Variants in UNC13C observed in about 807,000 individuals in gnomAD.
UNC13C encodes protein unc-13 homolog C.
In UNC13C, 174 loss-of-function variants were observed where a neutral mutation model predicts 245.4. That is an observed-to-expected ratio of 0.71 (90% CI 0.63 to 0.80). UNC13C has a LOEUF of 0.80. Ranked by LOEUF, UNC13C falls within the 30% of genes least tolerant of loss-of-function variation. UNC13C has a pLI of 0.00. For missense variants in UNC13C, 2,829 were observed against 2,602.9 expected, an observed-to-expected ratio of 1.09 and a Z score of -1.89; for synonymous variants, 992 against 895.1, an observed-to-expected ratio of 1.11 and a Z score of -1.93.
intron 2 of UNC13C, among the ~76,000 whole-genome samples, chr15:54,029,900 C>T (rs767604178): frequency 2.0e-5 from 3 of 152,144 alleles, no homozygotes; most frequent in Non-Finnish European, 4.4e-5. Flanking sequence ...AGATCTCTGC[C>T]TCAGTCTTCT....
At chr15:54,256,017 A>G (rs1208007714) in intron 8 of UNC13C, among the ~76,000 whole-genome samples, 1 of 152,150 alleles carries the variant, frequency 6.6e-6, no homozygotes, top group Non-Finnish European at 1.5e-5. Context: ...TATATAACAT[A>G]CTCAATGGAT....
chr15:54,167,366 A>G (rs111401929), intron 4 of UNC13C, among the ~76,000 whole-genome samples: 24,502 of 150,758 alleles, frequency 0.16, 2,462 homozygotes, highest in East Asian at 0.24. Flanking sequence ...GCCGGGCGTG[A>G]TGGTGGGCGC....
intron 25 of UNC13C, 48 bp from the exon 26 acceptor site, chr15:54,532,869 A>C: frequency 1.6e-6 from 2 of 1,286,926 alleles, no homozygotes; most frequent in Non-Finnish European, 2.2e-6. Context: ...GAACAGGCTC[A>C]GGCAAAATGT....
chr15:53,975,359 T>C (rs1893663407), upstream of UNC13C, among the ~76,000 whole-genome samples: 1 of 152,222 alleles, frequency 6.6e-6, no homozygotes, highest in African/African-American at 2.4e-5. Context: ...ATCATATTTT[T>C]CTCCGTAATT....
At chr15:54,402,303 C>A (rs942461663) in intron 18 of UNC13C, among the ~76,000 whole-genome samples, 1 of 152,182 alleles carries the variant, frequency 6.6e-6, no homozygotes, top group East Asian at 1.9e-4. Context: ...TAAAACAGAT[C>A]AAGTGTGTTA....
At chr15:54,534,086 C>T (rs1347576619) in intron 26 of UNC13C, among the ~76,000 whole-genome samples, 2 of 152,198 alleles carry the variant, frequency 1.3e-5, no homozygotes, top group African/African-American at 4.8e-5. Flanking sequence ...TGTGCTGCTG[C>T]TGCCACCAGC....
In UNC13C at chr15:54,069,734, C is replaced by T. The variant is rs1004754909; in HGVS notation, c.2983+53848C>T. ...TGAAATCATACAAGTTACACTGTAA[C>T]GTTAGATAACGCCTTGAACTATGGT... On this transcript the variant is annotated intron_variant, in intron 2 of 32. Coordinates refer to ENST00000260323, the MANE Select transcript of UNC13C (RefSeq NM_001080534.3). Among the ~76,000 whole-genome samples the T allele has an allele frequency of 3.7e-4, 57 of 152,152 alleles. 1 individual carries two copies. The highest frequency in any genetic ancestry group is 3.3e-3 in the Admixed American group (51 of 15,264).
chr15:54,440,769 C>T (rs1396581837), intron 19 of UNC13C, among the ~76,000 whole-genome samples: 1 of 152,000 alleles, frequency 6.6e-6, no homozygotes. Flanking sequence ...ATTTACGTTT[C>T]CACCAACAAC....
intron 10 of UNC13C, among the ~76,000 whole-genome samples, chr15:54,278,128 G>A (rs1053060291): frequency 1.3e-5 from 2 of 152,026 alleles, no homozygotes; most frequent in African/African-American, 4.8e-5. Context: ...CCTGACCTGA[G>A]ACCTCTGACT....
intron 19 of UNC13C, among the ~76,000 whole-genome samples, chr15:54,468,596 C>A (rs1361180094): frequency 6.6e-6 from 1 of 151,510 alleles, no homozygotes; most frequent in Non-Finnish European, 1.5e-5. Flanking sequence ...ACTTTTAAGT[C>A]TTTAATCTAT....
At chr15:54,546,502 TG>T (rs1896486648) in intron 26 of UNC13C, among the ~76,000 whole-genome samples, 1 of 152,158 alleles carries the variant, frequency 6.6e-6, no homozygotes. Context: ...CAAAGCCTGT[TG>T]ATTTAGAAAA....
chr15:53,890,385 C>G, the UNC13C span, among the ~76,000 whole-genome samples: 1 of 152,154 alleles, frequency 6.6e-6, no homozygotes, highest in Non-Finnish European at 1.5e-5. Context: ...TCGTGATCCA[C>G]CCGCCATGGC....
rs538623955 is a variant in UNC13C at position 54,434,514 on chromosome 15, G to C, written c.4933+19447G>C. Among the ~76,000 whole-genome samples the C allele has an allele frequency of 2.0e-5, 3 of 152,148 alleles. 1 individual carries two copies. In the South Asian group the frequency reaches 6.2e-4, roughly 32 times the overall value. ...TTCCCTATTTAATAAATGGTGTTGG[G>C]AAAACTGGCTAGCCATATGCAGAAA... On this transcript the variant is annotated intron_variant, in intron 19 of 32. Coordinates refer to ENST00000260323, the MANE Select transcript of UNC13C (RefSeq NM_001080534.3).
In UNC13C at chr15:54,179,091, A is replaced by G. The variant is rs1363080378; in HGVS notation, c.3071+35407A>G. 7.2e-5 allele frequency among the ~76,000 whole-genome samples: 11 copies of G among 152,274 alleles called. No homozygotes were observed. In the East Asian group the frequency reaches 1.2e-3, roughly 16 times the overall value. On this transcript the variant is annotated intron_variant, in intron 4 of 32. Transcript: ENST00000260323. ...CATGAATGAAGCACCAACCCAGCCA[A>G]TTATTCACTATAATCCATGATTGAG...
chr15:54,564,024 G>A (rs149485035), intron 29 of UNC13C, among the ~76,000 whole-genome samples: 380 of 152,072 alleles, frequency 2.5e-3, no homozygotes, highest in African/African-American at 8.4e-3. Context: ...TAGAATTCTC[G>A]TCAAGTTTGC....
chr15:53,988,040 CA>C (rs1894223270), intron 1 of UNC13C, among the ~76,000 whole-genome samples: 1 of 151,914 alleles, frequency 6.6e-6, no homozygotes, highest in African/African-American at 2.4e-5. Flanking sequence ...TTGACTTTCC[CA>C]ATACTTCTCT....
At chr15:54,288,031 T>C (rs891633592) in intron 10 of UNC13C, among the ~76,000 whole-genome samples, 18 of 152,156 alleles carry the variant, frequency 1.2e-4, no homozygotes, top group Admixed American at 1.2e-3. Flanking sequence ...AATTAAACAC[T>C]ATGTATCTTT....
the UNC13C span, among the ~76,000 whole-genome samples, chr15:53,933,009 T>G: frequency 6.6e-6 from 1 of 152,214 alleles, no homozygotes; most frequent in Admixed American, 6.5e-5. Context: ...ACAGGATTCA[T>G]TTAAAGATGC....
chr15:54,546,829 C>A lies in UNC13C; in HGVS notation c.5804C>A (p.Pro1935His). Residue 1935 changes from proline (P) to histidine (H), a missense_variant, in exon 27 of 33, where the codon CCT becomes CAT. Pro to His is a moderately conservative substitution (Grantham distance 77). Transcript: ENST00000260323. ...ATAGAAAAACAAATTGTTCTTCCTC[C>A]TCTGACAGATCAAACAGTAAGTATA... is the stretch of plus-strand genomic sequence containing the variant. ...NKIEKQIVLP[P>H]LTDQTGPQMI... is the part of the protein sequence containing the mutation. 1 of 1,581,180 alleles carries A rather than the reference C, an allele frequency of 6.3e-7. No individual in the cohort carries two copies. Among genetic ancestry groups the A allele is most frequent in the East Asian group, 2.3e-5 (1 of 43,734 alleles).
Sources: gnomAD v4.1 joint callset for allele counts (sites outside exome capture counted in the v4.1 genomes callset) on GRCh38, gnomAD v4.1.1 for gene constraint, MANE v1.5 for transcripts, NCBI Gene and HGNC (gene_info 2026-07-23, HGNC 2026-07-21) for gene names.